APC2: variants seen among roughly 807,000 people sequenced by gnomAD.
The protein encoded by APC2 is APC regulator of Wnt signaling pathway 2, also known as adenomatous polyposis coli protein 2.
Under a neutral mutation model 72.5 loss-of-function variants are expected in APC2, and 41 were observed. The ratio of observed to expected loss-of-function variants is 0.57; its 90% CI spans 0.44 to 0.73. The LOEUF is 0.73. APC2 is among the 30% of genes least tolerant of loss of function. The pLI is 0.00. For missense variants in APC2, 3,729 were observed against 3,403.4 expected (o/e 1.10, Z -2.38); for synonymous variants, 1,898 against 1,612.0 (o/e 1.18, Z -4.25).
At position 1,469,593 on chromosome 19, in the gene APC2, C is replaced by A; in HGVS notation, c.6292C>A (p.Arg2098Ser). ...APAARPETVK[R>S]YASLPHISVA... ...CGCCGCCCGGCCGGAGACTGTCAAG[C>A]GCTACGCGTCGCTGCCGCACATCAG... Residue 2098 changes from arginine (R) to serine (S), a missense_variant, in exon 15 of 15, where the codon CGC becomes AGC. Arg to Ser is a moderately radical substitution (Grantham distance 110). Transcript: ENST00000590469. The A allele has an allele frequency of 3.2e-6, 4 of 1,256,786 alleles. No individual in the cohort carries two copies. The highest frequency in any genetic ancestry group is 1.9e-5 in the South Asian group (1 of 53,182). 77.9% of individuals were successfully genotyped at this position (1,256,786 alleles called of 1,614,324 possible). A position where few individuals can be genotyped will look rare whatever the true frequency, so the allele number is the denominator to read the frequency against.
At position 1,450,340 on chromosome 19, in the gene APC2, T is replaced by C; in HGVS notation, c.-19+2T>C. ...GCCAGCCCAGCTGCACGTAAGCGGG[T>C]GTGTGTCCTCGGGGAGGAGGGCAGG... is the stretch of plus-strand genomic sequence containing the variant. On this transcript the variant is annotated splice_donor_variant, in intron 1 of 14. Coordinates refer to ENST00000590469, the MANE Select transcript of APC2 (RefSeq NM_005883.3). LOFTEE classifies it low-confidence loss of function (5UTR_SPLICE). 1.0e-6 allele frequency: 1 copy of C among 985,300 alleles called. No individual in the cohort carries two copies. The highest frequency in any genetic ancestry group is 1.2e-6 in the Non-Finnish European group (1 of 829,904). 61.0% of individuals were successfully genotyped at this position (985,300 alleles called of 1,614,324 possible).
Position 1,469,823 on chromosome 19 carries a change from C to T in APC2, c.6522C>T (p.Pro2174=). 3 of 1,521,286 alleles carry T rather than the reference C, an allele frequency of 2.0e-6. No individual in the cohort carries two copies. The highest frequency in any genetic ancestry group is 2.6e-6 in the Non-Finnish European group (3 of 1,141,546). The allele number at this position is 1,521,286 out of a possible 1,614,324, so 94.2% of individuals were successfully genotyped here. The change falls in exon 15 of 15, where the codon CCC becomes CCT. Residue 2174 remains proline, a synonymous_variant. Coordinates refer to ENST00000590469, the MANE Select transcript of APC2 (RefSeq NM_005883.3). ...ATALPLRGST[P]EDAPAGPPPR... Reference sequence around the variant, plus strand: ...CCCTGCCACTGCGGGGCTCCACGCCCGAGGACGCCCCGGCCGGGCCCCCGC... The same window carrying T: ...CCCTGCCACTGCGGGGCTCCACGCCTGAGGACGCCCCGGCCGGGCCCCCGC...
rs1267950500 is a variant in APC2 at position 1,466,755 on chromosome 19, G to A, written c.3454G>A (p.Val1152Met). The change falls in exon 15 of 15, where the codon GTG (valine) becomes ATG (methionine). Residue 1152 changes from valine (V) to methionine (M), a missense_variant. Physicochemically the swap from Val to Met is conservative, Grantham distance 21. Transcript: ENST00000590469. Reference sequence around the variant, plus strand: ...GCCGTCCAGCTCGTCGGAGAACTACGTGCAGGAGACACCGCTTGTGCTGAG... The same window carrying A: ...GCCGTCCAGCTCGTCGGAGAACTACATGCAGGAGACACCGCTTGTGCTGAG... ...ATPSSSSENY[V>M]QETPLVLSRC... 4.5e-6 allele frequency: 7 copies of A among 1,549,812 alleles called. No individual in the cohort carries two copies. The highest frequency in any genetic ancestry group is 3.9e-5 in the Admixed American group (2 of 51,268).
At position 1,469,893 on chromosome 19, in the gene APC2, GCCC is replaced by G. The variant is rs1400367701; in HGVS notation, c.6595_6597del (p.Pro2199del). The G allele has an allele frequency of 6.6e-6, 10 of 1,522,844 alleles. 1 individual carries two copies. In the East Asian group the frequency reaches 2.5e-4, roughly 39 times the overall value. 94.3% of individuals were successfully genotyped at this position (1,522,844 alleles called of 1,614,324 possible). On this transcript the variant is annotated inframe_deletion, in exon 15 of 15. Coordinates refer to ENST00000590469, the MANE Select transcript of APC2 (RefSeq NM_005883.3). Reference sequence around the variant, plus strand: ...CGTGGTCCAGACCGAGGAGGTCGCCGCCCCCAAGACCAACTCCAGCACGTCCCC... The same window carrying G: ...CGTGGTCCAGACCGAGGAGGTCGCCGCCAAGACCAACTCCAGCACGTCCCC...
At position 1,468,098 on chromosome 19, in the gene APC2, A is replaced by C; in HGVS notation, c.4797A>C (p.Pro1599=). Reference sequence around the variant, plus strand: ...CCTCGGAGCCGCCGGCCGTCCATCCACGAGGCCGGGAGCCCGCGGTCACCA... The same window carrying C: ...CCTCGGAGCCGCCGGCCGTCCATCCCCGAGGCCGGGAGCCCGCGGTCACCA... The part of the protein sequence containing the change: ...PEPSEPPAVH[P]RGREPAVTKD... The change falls in exon 15 of 15, where the codon CCA becomes CCC. Residue 1599 remains proline, a synonymous_variant. Transcript: ENST00000590469. 6.5e-7 allele frequency: 1 copy of C among 1,533,994 alleles called. No individual in the cohort carries two copies. Among genetic ancestry groups the C allele is most frequent in the Non-Finnish European group, 8.7e-7 (1 of 1,148,960 alleles).
In APC2 at chr19:1,452,996, C is replaced by T; in HGVS notation, c.-6C>T. 1 of 1,610,980 alleles carries T rather than the reference C, an allele frequency of 6.2e-7. No homozygotes were observed. The stretch of plus-strand genomic sequence containing the variant: ...CCTGTGATCCCAGACGCTGCAGGAG[C>T]TGAAGATGGCGAGCTCCGTGGCGCC... On this transcript the variant is annotated 5_prime_UTR_variant, in exon 2 of 15. Coordinates refer to ENST00000590469, the MANE Select transcript of APC2 (RefSeq NM_005883.3). The surrounding 1 kb of genome is among the most constrained non-coding windows in gnomAD (Gnocchi z 5.1).
In APC2 at chr19:1,457,030, G is replaced by A; in HGVS notation, c.994G>A (p.Ala332Thr). 2.0e-6 allele frequency: 3 copies of A among 1,527,244 alleles called. No homozygotes were observed. The highest frequency in any genetic ancestry group is 2.4e-5 in the South Asian group (2 of 82,616). The allele number at this position is 1,527,244 out of a possible 1,614,324, so 94.6% of individuals were successfully genotyped here. ...CACCGAGGCCGCGGCCGGGGGTCGC[G>A]CCGGGGCCCCAGGGGCACCGGGCGC... The part of the protein sequence containing the change: ...HGTEAAAGGR[A>T]GAPGAPGAKD... The change falls in exon 9 of 15, where the codon GCC becomes ACC. Residue 332 changes from alanine to threonine, a missense_variant. Physicochemically the swap from Ala to Thr is moderately conservative, Grantham distance 58 (BLOSUM62 0). Transcript: ENST00000590469.
rs563964236 is a variant in APC2, at chr19:1,470,063, G to C, written c.6762G>C (p.Gly2254=). The change falls in exon 15 of 15, where the codon GGG becomes GGC. Residue 2254 remains glycine, a synonymous_variant. Coordinates refer to ENST00000590469, the MANE Select transcript of APC2 (RefSeq NM_005883.3). ...ACGAGGGCCTGGGGGTCGCCGTGGG[G>C]GGCTTCCCCGCCAGCCGGCACGGCT... The part of the protein sequence containing the change: ...FVHEGLGVAV[G]GFPASRHGSP... The C allele has an allele frequency of 4.6e-5, 73 of 1,590,478 alleles. No homozygotes were observed. The African/African-American group carries it at 9.2e-4, about 20-fold the overall frequency.
upstream of APC2, among the ~76,000 whole-genome samples, chr19:1,448,821 G>A (rs555592465): frequency 6.7e-6 from 1 of 150,154 alleles, no homozygotes; most frequent in African/African-American, 2.4e-5. Context: ...TCCAGCCTGG[G>A]CTACAGAGCA....
rs768343021 is a variant in APC2, at chr19:1,465,651, C to A, written c.2350C>A (p.Pro784Thr). Residue 784 changes from proline to threonine, a missense_variant, in exon 15 of 15, where the codon CCG becomes ACG. Coordinates refer to ENST00000590469, the MANE Select transcript of APC2 (RefSeq NM_005883.3). Reference sequence around the variant, plus strand: ...GGGCTGCTTTGACGACGACGATGCACCGTCATCCCTGGCTGCGGCCGCGGC... The same window carrying A: ...GGGCTGCTTTGACGACGACGATGCAACGTCATCCCTGGCTGCGGCCGCGGC... ...DSGCFDDDDA[P>T]SSLAAAAATG... is the part of the protein sequence containing the mutation. The A allele has an allele frequency of 6.2e-7, 1 of 1,603,168 alleles. No homozygotes were observed. Among genetic ancestry groups the A allele is most frequent in the East Asian group, 2.3e-5 (1 of 44,250 alleles).
Position 1,468,090 on chromosome 19 carries a change from G to A in APC2, c.4789G>A (p.Val1597Ile), listed in dbSNP as rs769619698. 7.1e-6 allele frequency: 11 copies of A among 1,541,958 alleles called. No individual in the cohort carries two copies. Among genetic ancestry groups the A allele is most frequent in the East Asian group, 5.1e-5 (2 of 39,300 alleles). ...GCCCGAGCCCTCGGAGCCGCCGGCC[G>A]TCCATCCACGAGGCCGGGAGCCCGC... ...SEPEPSEPPA[V>I]HPRGREPAVT... Residue 1597 changes from valine to isoleucine, a missense_variant, in exon 15 of 15, where the codon GTC (valine) becomes ATC (isoleucine). Physicochemically the swap from Val to Ile is conservative, Grantham distance 29. Coordinates refer to ENST00000590469, the MANE Select transcript of APC2 (RefSeq NM_005883.3).
upstream of APC2, among the ~76,000 whole-genome samples, chr19:1,446,553 C>A (rs903836376): frequency 4.6e-5 from 7 of 151,962 alleles, no homozygotes; most frequent in African/African-American, 1.7e-4. The surrounding 1 kb of genome is among the most constrained non-coding windows in gnomAD (Gnocchi z 6.1). Flanking sequence ...CCCTCTCGTG[C>A]GCCGCTGCGA....
chr19:1,466,585 C>A lies in APC2; in HGVS notation c.3284C>A (p.Ser1095Tyr). 4 of 1,571,366 alleles carry A rather than the reference C, an allele frequency of 2.5e-6. No homozygotes were observed. The highest frequency in any genetic ancestry group is 2.6e-6 in the Non-Finnish European group (3 of 1,166,026). ...GGTGGTGACCTGGATGACAGTGACT[C>A]CTCCCTGGAGGGGCTGGAGGAGGCC... ...SEGGDLDDSD[S>Y]SLEGLEEAGP... is the part of the protein sequence containing the mutation. The change falls in exon 15 of 15, where the codon TCC becomes TAC. Residue 1095 changes from serine (S) to tyrosine (Y), a missense_variant. Physicochemically the swap from Ser to Tyr is moderately radical, Grantham distance 144. Transcript: ENST00000590469.
intron 13 of APC2, 43 bp downstream of exon 13, chr19:1,461,196 G>C (rs1364689067): frequency 1.3e-6 from 2 of 1,518,830 alleles, no homozygotes; most frequent in African/African-American, 2.7e-5. Context: ...TCAGTCACTG[G>C]AAGGAGACTG....
At chr19:1,464,525 C>T (rs1022871785) in intron 14 of APC2, among the ~76,000 whole-genome samples, 1 of 151,930 alleles carries the variant, frequency 6.6e-6, no homozygotes, top group Non-Finnish European at 1.5e-5. Flanking sequence ...CACTGCACTC[C>T]AGGCTGTACG....
chr19:1,446,324 G>T, upstream of APC2: 3 of 985,290 alleles, frequency 3.0e-6, no homozygotes, highest in Non-Finnish European at 2.4e-6. The surrounding 1 kb of genome is among the most constrained non-coding windows in gnomAD (Gnocchi z 6.1). Flanking sequence ...GCTGCACTCG[G>T]CCTTCTTCGG....
At position 1,453,480 on chromosome 19, in the gene APC2, C is replaced by T. The variant is rs1450886420; in HGVS notation, c.282C>T (p.Pro94=). The T allele has an allele frequency of 6.2e-7, 1 of 1,603,772 alleles. No individual in the cohort carries two copies. The highest frequency in any genetic ancestry group is 2.2e-5 in the East Asian group (1 of 44,590). ...TSLYNLKFQP[P]TLGPEPAART... Reference sequence around the variant, plus strand: ...TGTACAACCTCAAGTTCCAGCCGCCCACCCTGGGCCCGGAGCCTGCCGCCC... The same window carrying T: ...TGTACAACCTCAAGTTCCAGCCGCCTACCCTGGGCCCGGAGCCTGCCGCCC... Residue 94 remains proline, a synonymous_variant, in exon 4 of 15, where the codon CCC becomes CCT. Coordinates refer to ENST00000590469, the MANE Select transcript of APC2 (RefSeq NM_005883.3).
At chr19:1,464,390 AAC>A (rs2083972421) in intron 14 of APC2, among the ~76,000 whole-genome samples, 1 of 151,172 alleles carries the variant, frequency 6.6e-6, no homozygotes, top group Admixed American at 6.6e-5. Flanking sequence ...TATTTATGAA[AAC>A]ACAAAATATT....
chr19:1,460,355 T>A, intron 11 of APC2, 35 bp downstream of exon 11: 3 of 1,612,474 alleles, frequency 1.9e-6, no homozygotes, highest in Non-Finnish European at 2.5e-6. Flanking sequence ...GGCACTTTCC[T>A]CATCCAGTCT....
Sources: gnomAD v4.1 joint callset for allele counts (sites outside exome capture counted in the v4.1 genomes callset) on GRCh38, gnomAD v4.1.1 for gene constraint, Gnocchi (gnomAD v3.1) non-coding constraint, MANE v1.5 for transcripts, NCBI Gene and HGNC (gene_info 2026-07-23, HGNC 2026-07-21) for gene names.